Variants in EBF2 observed in about 807,000 individuals in gnomAD.
The protein encoded by EBF2 is EBF transcription factor 2.
Under a neutral mutation model 72.8 loss-of-function variants are expected in EBF2, and 21 were observed. The ratio of observed to expected loss-of-function variants is 0.29; its 90% CI spans 0.20 to 0.42. EBF2 has a LOEUF of 0.42. EBF2 is among the 10% of genes least tolerant of loss of function. The probability of loss-of-function intolerance (pLI) is 1.00; values close to 1 mark genes in which losing one functional copy is unlikely to be tolerated. For synonymous variants in EBF2, 299 were observed against 274.2 expected, an observed-to-expected ratio of 1.09 and a Z score of -0.89; for missense variants, 637 against 731.2, an observed-to-expected ratio of 0.87 and a Z score of 1.49.
At chr8:26,021,479 G>T (rs951914) in intron 6 of EBF2, among the ~76,000 whole-genome samples, 1 of 152,028 alleles carries the variant, frequency 6.6e-6, no homozygotes, top group Admixed American at 6.6e-5. Context: ...CCCCTCCACA[G>T]GCTGAGAAAG....
At chr8:26,020,945 CAAG>C (rs1263954371) in intron 6 of EBF2, among the ~76,000 whole-genome samples, 1 of 152,096 alleles carries the variant, frequency 6.6e-6, no homozygotes, top group Non-Finnish European at 1.5e-5. Flanking sequence ...CAGCCACAAC[CAAG>C]AAGAGAGAGT....
intron 13 of EBF2, 133 bp from the exon 14 acceptor site, chr8:25,858,637 C>A: frequency 4.1e-6 from 2 of 484,098 alleles, no homozygotes; most frequent in Admixed American, 3.7e-5. Context: ...AGGAAGTGTG[C>A]AGTCCATCTT....
intron 6 of EBF2, among the ~76,000 whole-genome samples, chr8:25,989,019 G>C (rs1014849159): frequency 6.6e-6 from 1 of 152,236 alleles, no homozygotes; most frequent in Non-Finnish European, 1.5e-5. Flanking sequence ...TTGCGGTGTA[G>C]AGGAAAGAAC....
chr8:25,995,612 T>A (rs1804612396), intron 6 of EBF2, among the ~76,000 whole-genome samples: 1 of 152,066 alleles, frequency 6.6e-6, no homozygotes, highest in Non-Finnish European at 1.5e-5. Flanking sequence ...ACACTGAAAA[T>A]GAATGAATTT....
At chr8:25,847,264 T>G (rs1801859572) in intron 15 of EBF2, among the ~76,000 whole-genome samples, 1 of 152,172 alleles carries the variant, frequency 6.6e-6, no homozygotes, top group African/African-American at 2.4e-5. Flanking sequence ...CTCCCCAGCC[T>G]GCGATCACCC....
intron 6 of EBF2, among the ~76,000 whole-genome samples, chr8:26,029,276 G>A (rs1159998975): frequency 6.6e-6 from 1 of 152,172 alleles, no homozygotes; most frequent in Non-Finnish European, 1.5e-5. Flanking sequence ...TTGTGTTTGA[G>A]CTGGAAGTCT....
intron 12 of EBF2, 40 bp downstream of exon 12, chr8:25,861,269 A>T (rs757921745): frequency 6.8e-6 from 11 of 1,613,822 alleles, no homozygotes; most frequent in Non-Finnish European, 9.3e-6. Context: ...TCCAGCATAA[A>T]GTGCAAAACT....
At chr8:26,019,163 C>T (rs1460341685) in intron 6 of EBF2, among the ~76,000 whole-genome samples, 1 of 152,110 alleles carries the variant, frequency 6.6e-6, no homozygotes, top group Non-Finnish European at 1.5e-5. Context: ...GCATCAAATG[C>T]CAAGAAGCTT....
chr8:25,983,921 C>G (rs1804404893), intron 6 of EBF2, among the ~76,000 whole-genome samples: 2 of 152,248 alleles, frequency 1.3e-5, no homozygotes, highest in African/African-American at 4.8e-5. Context: ...CCCAAAATAA[C>G]TGTTCAATGA....
rs149106739 is a variant in EBF2, at chr8:25,883,886, G to A, written c.1009+2869C>T. ...CGCTATCCAACTGACCTCAGGGACA[G>A]CACACGCTTCTGGCTTCTTCTTACC... On this transcript the variant is annotated intron_variant, in intron 10 of 15. Coordinates refer to ENST00000520164, the MANE Select transcript of EBF2 (RefSeq NM_022659.4). Among the ~76,000 whole-genome samples, 23 of 152,218 alleles carry A rather than the reference G, an allele frequency of 1.5e-4. No individual in the cohort carries two copies. The East Asian group carries it at 4.5e-3, about 29-fold the overall frequency.
At chr8:26,021,897 T>A (rs1021174080) in intron 6 of EBF2, among the ~76,000 whole-genome samples, 2 of 152,210 alleles carry the variant, frequency 1.3e-5, no homozygotes, top group East Asian at 3.8e-4. Context: ...AGCAGCCACT[T>A]TGAGTCCTCA....
chr8:26,009,225 G>A (rs1804938468), intron 6 of EBF2, among the ~76,000 whole-genome samples: 1 of 151,182 alleles, frequency 6.6e-6, no homozygotes, highest in Non-Finnish European at 1.5e-5. Context: ...CACAATGGCT[G>A]AACATACTTT....
chr8:26,000,218 T>C (rs1332824296), intron 6 of EBF2, among the ~76,000 whole-genome samples: 3 of 152,170 alleles, frequency 2.0e-5, no homozygotes, highest in African/African-American at 7.2e-5. Context: ...GTTGTCCAGG[T>C]ACAAAGGGTG....
intron 6 of EBF2, among the ~76,000 whole-genome samples, chr8:25,981,418 G>A (rs1804359410): frequency 6.6e-6 from 1 of 151,726 alleles, no homozygotes; most frequent in Admixed American, 6.6e-5. Flanking sequence ...GAGTATCTGG[G>A]TTCCAAAATG....
At chr8:25,995,020 T>A (rs1804601237) in intron 6 of EBF2, among the ~76,000 whole-genome samples, 1 of 152,146 alleles carries the variant, frequency 6.6e-6, no homozygotes, top group Admixed American at 6.5e-5. Flanking sequence ...AAAGAAGATA[T>A]ATACAGTAGG....
intron 6 of EBF2, among the ~76,000 whole-genome samples, chr8:25,951,765 G>A (rs1277064048): frequency 6.6e-6 from 1 of 152,120 alleles, no homozygotes; most frequent in Non-Finnish European, 1.5e-5. Flanking sequence ...AAGGCACCAA[G>A]CATTCCCCCT....
At chr8:25,864,531 T>C (rs1802270117) in intron 10 of EBF2, among the ~76,000 whole-genome samples, 2 of 151,968 alleles carry the variant, frequency 1.3e-5, no homozygotes, top group African/African-American at 4.8e-5. Flanking sequence ...CACACAAATG[T>C]ATATGTACAC....
At chr8:26,019,803 G>A (rs56084268) in intron 6 of EBF2, among the ~76,000 whole-genome samples, 28,649 of 152,122 alleles carry the variant, frequency 0.19, 2,733 homozygotes, top group South Asian at 0.2. Flanking sequence ...CCAAGAGGCA[G>A]GGAGAACTTA....
intron 7 of EBF2, 56 bp from the exon 8 acceptor site, chr8:25,889,925 A>G: frequency 6.7e-7 from 1 of 1,482,060 alleles, no homozygotes; most frequent in South Asian, 1.1e-5. Context: ...GTTTCACATG[A>G]AGTAGCAAAT....
Sources: allele counts gnomAD v4.1 joint callset (sites outside exome capture counted in the v4.1 genomes callset), GRCh38; gene constraint gnomAD v4.1.1; transcripts MANE v1.5; gene names NCBI Gene and HGNC (gene_info 2026-07-23, HGNC 2026-07-21).